RNF114: variants seen among roughly 807,000 people sequenced by gnomAD.
RNF114 encodes ring finger protein 114.
In RNF114, 6 loss-of-function variants were observed where a neutral mutation model predicts 28.4. The observed-to-expected ratio is 0.21, with a 90% CI of 0.12 to 0.42. The LOEUF is 0.42. RNF114 is among the 10% of genes least tolerant of loss of function. The probability of loss-of-function intolerance (pLI) is 1.00; values close to 1 mark genes in which losing one functional copy is unlikely to be tolerated. For missense variants in RNF114, 249 were observed against 311.7 expected (o/e 0.80, Z 1.51); for synonymous variants, 115 against 116.7 (o/e 0.99, Z 0.09).
chr20:49,946,258 A>AC lies in RNF114; in HGVS notation c.513+10dup. 2.2e-6 allele frequency: 3 copies of AC among 1,357,866 alleles called. No individual in the cohort carries two copies. Among genetic ancestry groups the AC allele is most frequent in the Non-Finnish European group, 3.0e-6 (3 of 985,380 alleles). The allele number at this position is 1,357,866 out of a possible 1,614,324, so 84.1% of individuals were successfully genotyped here. ...ACGGATACCAAATCTGTGGTGAGTAACCTTTTTTTTTTTTTTTAAACTTCA... is the reference window on the plus strand; with the variant it reads ...ACGGATACCAAATCTGTGGTGAGTAACCCTTTTTTTTTTTTTTTAAACTTCA... On this transcript the variant is annotated intron_variant, in intron 4 of 5. Transcript: ENST00000244061.
At position 49,941,567 on chromosome 20, in the gene RNF114, C is replaced by T; in HGVS notation, c.147C>T (p.Cys49=). 2 of 1,595,106 alleles carry T rather than the reference C, an allele frequency of 1.3e-6. No homozygotes were observed. The highest frequency in any genetic ancestry group is 2.2e-5 in the South Asian group (2 of 89,628). ...PVQVPCGHVF[C]SACLQECLKP... ...TCTGTATGTCTTGTTCTAGCTTTTGCTCTGCATGCCTGCAGGAATGTCTGA... is the reference window on the plus strand; with the variant it reads ...TCTGTATGTCTTGTTCTAGCTTTTGTTCTGCATGCCTGCAGGAATGTCTGA... The change falls in exon 2 of 6, where the codon TGC becomes TGT. Residue 49 remains cysteine, a synonymous_variant. Coordinates refer to ENST00000244061, the MANE Select transcript of RNF114 (RefSeq NM_018683.4).
intron 1 of RNF114, among the ~76,000 whole-genome samples, chr20:49,938,896 C>A (rs2090297067): frequency 1.3e-5 from 2 of 152,330 alleles, no homozygotes; most frequent in South Asian, 4.1e-4. Context: ...TCTTGGGTTC[C>A]TCTTGTCATC....
chr20:49,946,290 G>A, intron 4 of RNF114, 40 bp downstream of exon 4: 2 of 1,080,300 alleles, frequency 1.9e-6, no homozygotes, highest in Non-Finnish European at 2.8e-6. Context: ...TTCATTAAGG[G>A]AAAGGATCAA....
In RNF114 at chr20:49,952,156, T is replaced by C; in HGVS notation, c.*15T>C. On this transcript the variant is annotated 3_prime_UTR_variant, in exon 6 of 6. Transcript: ENST00000244061. ...TCGACCAGTGAGCAGAGTCCGTGCT[T>C]GCTATCTGTCTCATGTTACAGAGCT... The C allele has an allele frequency of 6.2e-7, 1 of 1,609,930 alleles. No individual in the cohort carries two copies. The highest frequency in any genetic ancestry group is 8.5e-7 in the Non-Finnish European group (1 of 1,176,076).
intron 2 of RNF114, among the ~76,000 whole-genome samples, chr20:49,942,895 T>A (rs1185380721): frequency 6.6e-6 from 1 of 152,160 alleles, no homozygotes; most frequent in African/African-American, 2.4e-5. Flanking sequence ...ACTGTAGAAT[T>A]TTTACCAACC....
intron 2 of RNF114, among the ~76,000 whole-genome samples, chr20:49,943,693 CTG>C (rs2090316595): frequency 8.9e-6 from 1 of 112,092 alleles, no homozygotes; most frequent in Non-Finnish European, 1.7e-5. Context: ...GAGTCTCACT[CTG>C]TTGCCCAGGC....
rs141779909 is a variant in RNF114 at position 49,939,899 on chromosome 20, A to G, written c.141-1662A>G. On this transcript the variant is annotated intron_variant, in intron 1 of 5. Transcript: ENST00000244061. ...GTGAAACCCCGTCTCTACTAAAAAT[A>G]TAAAATTAGCTGGGTGTGGTCATGC... 2.5e-4 allele frequency among the ~76,000 whole-genome samples: 38 copies of G among 151,998 alleles called. No individual in the cohort carries two copies. The East Asian group carries it at 7.3e-3, about 29-fold the overall frequency.
chr20:49,943,873 G>GATATATATATATAT (rs71190517), intron 2 of RNF114: 63 of 122,120 alleles, frequency 5.2e-4, no homozygotes, highest in East Asian at 1.2e-3. Flanking sequence ...TACACACAGA[G>GATATATATATATAT]ATATATATAT....
chr20:49,938,095 A>G (rs2090294610), intron 1 of RNF114, among the ~76,000 whole-genome samples: 1 of 152,212 alleles, frequency 6.6e-6, no homozygotes, highest in African/African-American at 2.4e-5. Flanking sequence ...GCTTCACGAG[A>G]GTTGAAGTGG....
rs143106498 is a variant in RNF114, at chr20:49,952,132, C to T, written c.678C>T (p.Ile226=). The T allele has an allele frequency of 6.0e-5, 97 of 1,613,702 alleles. No homozygotes were observed. The East Asian group carries it at 1.5e-3, about 24-fold the overall frequency. Residue 226 remains isoleucine, a synonymous_variant, in exon 6 of 6, where the codon ATC becomes ATT. Transcript: ENST00000244061. ...ATCAGGTGTTGCAGCGCTCCATCAT[C>T]GACCAGTGAGCAGAGTCCGTGCTTG... ...MMNQVLQRSI[I]DQ
Position 49,952,371 on chromosome 20 carries a change from G to C in RNF114, c.*230G>C. 1.8e-6 allele frequency: 1 copy of C among 553,074 alleles called. No individual in the cohort carries two copies. Among genetic ancestry groups the C allele is most frequent in the Non-Finnish European group, 3.3e-6 (1 of 307,010 alleles). 34.3% of individuals were successfully genotyped at this position (553,074 alleles called of 1,614,324 possible). ...TACTGTTAACCTTGTTTGTCACACG[G>C]TCGAGTTCGTATTGGTTCTCGGCTA... is the stretch of plus-strand genomic sequence containing the variant. On this transcript the variant is annotated 3_prime_UTR_variant, in exon 6 of 6. Transcript: ENST00000244061.
chr20:49,947,823 G>T (rs1343576067), intron 4 of RNF114, among the ~76,000 whole-genome samples: 2 of 99,678 alleles, frequency 2.0e-5, no homozygotes, highest in Non-Finnish European at 3.7e-5. Flanking sequence ...GCGGAGTTTC[G>T]CTCTGTCGCC....
Position 49,936,452 on chromosome 20 carries a change from C to T in RNF114, c.40C>T (p.Leu14=). 1.9e-6 allele frequency: 3 copies of T among 1,548,646 alleles called. No homozygotes were observed. Among genetic ancestry groups the T allele is most frequent in the Non-Finnish European group, 2.6e-6 (3 of 1,148,124 alleles). ...QQRDCGGAAQ[L]AGPAAEADPL... is the part of the protein sequence containing the mutation. ...GCGGGACTGCGGGGGTGCTGCGCAGCTGGCGGGGCCGGCGGCGGAGGCTGA... is the reference window on the plus strand; with the variant it reads ...GCGGGACTGCGGGGGTGCTGCGCAGTTGGCGGGGCCGGCGGCGGAGGCTGA... The change falls in exon 1 of 6, where the codon CTG becomes TTG. Residue 14 remains leucine (L), a synonymous_variant. Transcript: ENST00000244061.
chr20:49,939,508 G>A (rs1041942808), intron 1 of RNF114, among the ~76,000 whole-genome samples: 3 of 152,124 alleles, frequency 2.0e-5, no homozygotes, highest in African/African-American at 7.2e-5. Flanking sequence ...GTAGCCCAGG[G>A]TGTCTTCTCC....
intron 4 of RNF114, among the ~76,000 whole-genome samples, chr20:49,948,894 C>T (rs1030681467): frequency 1.3e-5 from 2 of 152,198 alleles, no homozygotes; most frequent in African/African-American, 2.4e-5. Flanking sequence ...TTCCCTGGGA[C>T]ATTGCTCATC....
rs766711493 is a variant in RNF114 at position 49,936,409 on chromosome 20, C to T, written c.-4C>T. On this transcript the variant is annotated 5_prime_UTR_variant, in exon 1 of 6. Transcript: ENST00000244061. ...GCCGTTGCGCGGCGCAGAGCGGCAG[C>T]AAGATGGCGGCGCAACAGCGGGACT... The T allele has an allele frequency of 1.3e-4, 193 of 1,503,936 alleles. No individual in the cohort carries two copies. The highest frequency in any genetic ancestry group is 1.7e-4 in the Non-Finnish European group (188 of 1,126,348). The allele number at this position is 1,503,936 out of a possible 1,614,324, so 93.2% of individuals were successfully genotyped here.
At chr20:49,949,867 A>G (rs1373894993) in intron 5 of RNF114, among the ~76,000 whole-genome samples, 1 of 151,048 alleles carries the variant, frequency 6.6e-6, no homozygotes, top group African/African-American at 2.4e-5. Context: ...CTGGTCTCGA[A>G]CTCCTGACCT....
At chr20:49,945,929 G>T (rs1214884681) in intron 3 of RNF114, among the ~76,000 whole-genome samples, 3 of 152,200 alleles carry the variant, frequency 2.0e-5, no homozygotes, top group African/African-American at 7.2e-5. Flanking sequence ...GCCTCCCAAA[G>T]TGCTGCGATT....
chr20:49,943,881 T>G (rs929062937), intron 2 of RNF114: 4 of 142,328 alleles, frequency 2.8e-5, no homozygotes, highest in African/African-American at 1.1e-4. Context: ...GAGATATATA[T>G]ATATATATAT....
Sources: gnomAD v4.1 joint callset for allele counts (sites outside exome capture counted in the v4.1 genomes callset) on GRCh38, gnomAD v4.1.1 for gene constraint, MANE v1.5 for transcripts, NCBI Gene and HGNC (gene_info 2026-07-23, HGNC 2026-07-21) for gene names.